Variants in CCDC192 observed in about 807,000 individuals in gnomAD.
CCDC192 encodes coiled-coil domain containing 192, also known as coiled-coil domain-containing protein 192.
chr5:127,721,429 A>C (rs935792959), intron 2 of CCDC192, among the ~76,000 whole-genome samples: 2 of 152,140 alleles, frequency 1.3e-5, no homozygotes, highest in Non-Finnish European at 2.9e-5. Context: ...CCTTATCTCC[A>C]TCTGAGACCA....
At chr5:127,745,149 T>C (rs1753665285) in intron 2 of CCDC192, among the ~76,000 whole-genome samples, 1 of 152,198 alleles carries the variant, frequency 6.6e-6, no homozygotes, top group African/African-American at 2.4e-5. Flanking sequence ...ATCTGTCTTC[T>C]GCAGACAGGA....
At chr5:127,762,641 G>A (rs1754995544) in intron 3 of CCDC192, among the ~76,000 whole-genome samples, 1 of 152,166 alleles carries the variant, frequency 6.6e-6, no homozygotes, top group Non-Finnish European at 1.5e-5. Context: ...GCTTGTAAAT[G>A]TCAAGATCAA....
intron 5 of CCDC192, among the ~76,000 whole-genome samples, chr5:127,841,944 T>A (rs1264283690): frequency 6.6e-6 from 1 of 152,220 alleles, no homozygotes; most frequent in Non-Finnish European, 1.5e-5. Context: ...GAATGTTGAC[T>A]ATTGCTTGGC....
intron 5 of CCDC192, among the ~76,000 whole-genome samples, chr5:127,813,382 A>T (rs1164520467): frequency 6.6e-6 from 1 of 152,210 alleles, no homozygotes; most frequent in Non-Finnish European, 1.5e-5. Context: ...ATCATTGAGG[A>T]TATCAATACC....
intron 3 of CCDC192, among the ~76,000 whole-genome samples, chr5:127,760,506 C>T (rs1363726047): frequency 2.0e-5 from 3 of 151,596 alleles, no homozygotes; most frequent in Admixed American, 1.3e-4. Flanking sequence ...GTTCCCATCT[C>T]GCTTTAGTAC....
At chr5:127,847,089 G>A (rs547624635) in intron 5 of CCDC192, among the ~76,000 whole-genome samples, 18 of 152,178 alleles carry the variant, frequency 1.2e-4, no homozygotes, top group Admixed American at 9.8e-4. Flanking sequence ...ATTTTCTACA[G>A]AACAAATTTC....
intron 2 of CCDC192, among the ~76,000 whole-genome samples, chr5:127,752,106 C>A (rs1754218268): frequency 6.6e-6 from 1 of 152,220 alleles, no homozygotes; most frequent in Non-Finnish European, 1.5e-5. Flanking sequence ...AAGCCTTCTT[C>A]CCTCAGCTCA....
At chr5:127,840,374 G>C (rs944272270) in intron 5 of CCDC192, among the ~76,000 whole-genome samples, 1 of 152,112 alleles carries the variant, frequency 6.6e-6, no homozygotes, top group Non-Finnish European at 1.5e-5. Flanking sequence ...GTAACCACAG[G>C]ACACACAGAG....
intron 3 of CCDC192, among the ~76,000 whole-genome samples, chr5:127,772,792 T>C (rs1388870875): frequency 1.3e-5 from 2 of 152,180 alleles, no homozygotes; most frequent in African/African-American, 4.8e-5. Context: ...CAAGCTCTCC[T>C]GAACACATGG....
intron 6 of CCDC192, among the ~76,000 whole-genome samples, chr5:127,929,327 G>C (rs1298122173): frequency 1.3e-5 from 2 of 152,128 alleles, no homozygotes; most frequent in African/African-American, 4.8e-5. Context: ...ACCATATCTA[G>C]GGGGCTAGGA....
intron 6 of CCDC192, among the ~76,000 whole-genome samples, chr5:127,879,922 A>G (rs1310553645): frequency 6.6e-6 from 1 of 151,154 alleles, no homozygotes; most frequent in Non-Finnish European, 1.5e-5. Flanking sequence ...GGCTATCATT[A>G]AAAAGTCAGG....
chr5:127,708,877 C>T (rs992594747), intron 2 of CCDC192, among the ~76,000 whole-genome samples: 10 of 151,930 alleles, frequency 6.6e-5, no homozygotes, highest in African/African-American at 1.7e-4. Flanking sequence ...CCTACCAGTC[C>T]GTTGGAATCC....
chr5:127,771,236 G>C (rs1755535567), intron 3 of CCDC192, among the ~76,000 whole-genome samples: 1 of 152,202 alleles, frequency 6.6e-6, no homozygotes, highest in South Asian at 2.1e-4. Flanking sequence ...CATAGGAGCA[G>C]CACTAAGAAT....
chr5:127,802,262 C>T (rs1024284310), intron 5 of CCDC192, among the ~76,000 whole-genome samples: 4 of 152,170 alleles, frequency 2.6e-5, no homozygotes, highest in African/African-American at 9.7e-5. Context: ...CTACTCAATA[C>T]ATTTTGCTGA....
intron 6 of CCDC192, among the ~76,000 whole-genome samples, chr5:127,883,711 G>C (rs1480821072): frequency 6.6e-6 from 1 of 152,200 alleles, no homozygotes; most frequent in African/African-American, 2.4e-5. Flanking sequence ...GGAGGCTGTG[G>C]CCTAATTCAA....
intron 5 of CCDC192, among the ~76,000 whole-genome samples, chr5:127,841,272 G>A (rs1336354108): frequency 3.3e-5 from 5 of 152,104 alleles, no homozygotes; most frequent in South Asian, 2.1e-4. Flanking sequence ...ACATAATTTC[G>A]GAGTATATTA....
intron 2 of CCDC192, among the ~76,000 whole-genome samples, chr5:127,726,979 A>T (rs1752361631): frequency 1.3e-5 from 2 of 152,210 alleles, no homozygotes; most frequent in South Asian, 4.1e-4. Context: ...CAGACACATT[A>T]TACAGGAGCA....
At chr5:127,915,149 C>T (rs1753482666) in intron 6 of CCDC192, among the ~76,000 whole-genome samples, 2 of 152,016 alleles carry the variant, frequency 1.3e-5, no homozygotes, top group Admixed American at 6.6e-5. Context: ...TTTTGGTTTT[C>T]CAATACATAT....
At chr5:127,738,664 G>A (rs924510153) in intron 2 of CCDC192, among the ~76,000 whole-genome samples, 31 of 151,330 alleles carry the variant, frequency 2.0e-4, no homozygotes, top group South Asian at 8.4e-4. Flanking sequence ...TTCCCTTCTC[G>A]CTTCATTTCA....
Sources: gnomAD v4.1 joint callset for allele counts (sites outside exome capture counted in the v4.1 genomes callset) on GRCh38, gnomAD v4.1.1 for gene constraint, MANE v1.5 for transcripts, NCBI Gene and HGNC (gene_info 2026-07-23, HGNC 2026-07-21) for gene names.